The following ERMP1 variants were observed in gnomAD, a reference collection of about 807,000 sequenced individuals.
ERMP1 encodes Felix-ina.
A neutral mutation model predicts 92.0 loss-of-function variants in ERMP1; 86 were observed. The observed-to-expected ratio is 0.93, with a 90% CI of 0.79 to 1.12. The LOEUF is 1.12. Ranked by LOEUF, ERMP1 falls within the 50% of genes most tolerant of loss-of-function variation. The pLI is 0.00. For synonymous variants in ERMP1, 530 were observed against 412.8 expected (o/e 1.28, Z -3.44); for missense variants, 1,342 against 1,116.3 (o/e 1.20, Z -2.88).
chr9:5,832,135 CTAAAGA>C (rs1829964845), intron 1 of ERMP1, among the ~76,000 whole-genome samples: 1 of 151,796 alleles, frequency 6.6e-6, no homozygotes, highest in Non-Finnish European at 1.5e-5. Flanking sequence ...TCCAAGGGGC[CTAAAGA>C]TAAACTGCAG....
At chr9:5,841,921 A>G (rs1342001057) in intron 6 of ERMP1, among the ~76,000 whole-genome samples, 1 of 152,136 alleles carries the variant, frequency 6.6e-6, no homozygotes, top group African/African-American at 2.4e-5. Flanking sequence ...GAAACCACAT[A>G]TCTTCGCAGT....
At chr9:5,853,059 G>C (rs1405268700) in intron 6 of ERMP1, among the ~76,000 whole-genome samples, 1 of 152,158 alleles carries the variant, frequency 6.6e-6, no homozygotes, top group African/African-American at 2.4e-5. Flanking sequence ...TGGGCTTCTG[G>C]GGGTGAAAAA....
At chr9:5,836,258 A>C (rs769742490), upstream of ERMP1, among the ~76,000 whole-genome samples, 2 of 152,204 alleles carry the variant, frequency 1.3e-5, no homozygotes, top group Non-Finnish European at 2.9e-5. Flanking sequence ...TTGCCGTAGA[A>C]GAAAACCATA....
At chr9:5,797,684 T>C (rs1273724978) in intron 13 of ERMP1, 133 bp downstream of exon 13, 18 of 646,606 alleles carry the variant, frequency 2.8e-5, no homozygotes, top group Middle Eastern at 3.8e-4. Context: ...CCAGCTTCAA[T>C]TGATTTTAGA....
intron 7 of ERMP1, among the ~76,000 whole-genome samples, chr9:5,810,785 T>G (rs940766652): frequency 3.9e-5 from 6 of 152,182 alleles, no homozygotes; most frequent in Non-Finnish European, 8.8e-5. Context: ...TCATACTTCG[T>G]GACACTGGTC....
rs1563783675 is a variant in ERMP1, at chr9:5,854,894, T to A, written n.3199+4574A>T. Among the ~76,000 whole-genome samples the A allele has an allele frequency of 2.0e-5, 3 of 152,222 alleles. No homozygotes were observed. The South Asian group carries it at 6.2e-4, about 32-fold the overall frequency. On this transcript the variant is annotated intron_variant and non_coding_transcript_variant, in intron 6 of 6. Transcript: ENST00000690753. ...TTATGTAGGTTAATATTTCCCATGT[T>A]TTTTGAGGATTCCCAAAAGACTTTG...
chr9:5,835,553 T>A (rs1205627888), upstream of ERMP1, among the ~76,000 whole-genome samples: 1 of 152,034 alleles, frequency 6.6e-6, no homozygotes, highest in African/African-American at 2.4e-5. Context: ...GGGGAGAGAA[T>A]GTTCCAGCAG....
At chr9:5,830,122 G>A (rs991054711) in intron 2 of ERMP1, among the ~76,000 whole-genome samples, 9 of 152,208 alleles carry the variant, frequency 5.9e-5, no homozygotes, top group Non-Finnish European at 1.2e-4. Context: ...AGAGATATCC[G>A]CCAACCCGCA....
chr9:5,857,297 C>T (rs984168945), intron 6 of ERMP1, among the ~76,000 whole-genome samples: 1 of 152,162 alleles, frequency 6.6e-6, no homozygotes, highest in South Asian at 2.1e-4. Context: ...GCTGGGATTA[C>T]AGGCATGAGC....
At chr9:5,854,742 G>T (rs1830352784) in intron 6 of ERMP1, among the ~76,000 whole-genome samples, 1 of 152,116 alleles carries the variant, frequency 6.6e-6, no homozygotes, top group South Asian at 2.1e-4. Flanking sequence ...GCCCAGGCTG[G>T]TCTAGAACTC....
intron 5 of ERMP1, among the ~76,000 whole-genome samples, chr9:5,866,640 C>G (rs112556067): frequency 2.0e-5 from 3 of 152,258 alleles, no homozygotes; most frequent in South Asian, 2.1e-4. Flanking sequence ...CTAAGGAAAC[C>G]TGTAATCAAA....
intron 5 of ERMP1, among the ~76,000 whole-genome samples, chr9:5,865,304 A>G (rs993009960): frequency 6.7e-6 from 1 of 149,950 alleles, no homozygotes; most frequent in African/African-American, 2.5e-5. Flanking sequence ...CAGGAGATAG[A>G]GACCATCCTG....
intron 4 of ERMP1, among the ~76,000 whole-genome samples, chr9:5,821,272 G>A (rs948624038): frequency 4.6e-5 from 7 of 152,164 alleles, no homozygotes; most frequent in African/African-American, 1.4e-4. Flanking sequence ...AATTCATGAA[G>A]CAACAGAGAA....
At chr9:5,840,605 T>A (rs574661934) in intron 6 of ERMP1, among the ~76,000 whole-genome samples, 38 of 152,372 alleles carry the variant, frequency 2.5e-4, no homozygotes, top group African/African-American at 9.1e-4. Context: ...CAAGAGGCAG[T>A]ACGATGCCGC....
At chr9:5,813,517 G>A (rs920012543) in intron 4 of ERMP1, among the ~76,000 whole-genome samples, 16 of 151,902 alleles carry the variant, frequency 1.1e-4, no homozygotes, top group South Asian at 2.1e-4. Context: ...TTACTTTTTC[G>A]GATTTTGGAA....
chr9:5,829,992 G>C (rs1036248499), intron 2 of ERMP1, among the ~76,000 whole-genome samples: 1 of 152,170 alleles, frequency 6.6e-6, no homozygotes, highest in African/African-American at 2.4e-5. Context: ...CTAAATGCAA[G>C]TATTCTATTT....
chr9:5,843,536 T>TG (rs999000785), intron 6 of ERMP1, among the ~76,000 whole-genome samples: 6 of 152,132 alleles, frequency 3.9e-5, no homozygotes. Context: ...TCTCCAGATT[T>TG]GGGGGAAAGT....
chr9:5,825,003 A>G lies in ERMP1; in HGVS notation c.768+89T>C, dbSNP rs1448457028. ...ATACTACCCACAGGAGTCATAAAAA[A>G]TGCATTTACTATTTAGTAAATAATA... On this transcript the variant is annotated intron_variant, in intron 3 of 14. Transcript: ENST00000339450. 3.0e-6 allele frequency: 4 copies of G among 1,324,920 alleles called. No homozygotes were observed. In the African/African-American group the frequency reaches 4.5e-5, roughly 15 times the overall value. The allele number at this position is 1,324,920 out of a possible 1,614,324, so 82.1% of individuals were successfully genotyped here.
Position 5,787,454 on chromosome 9 carries a change from T to C in ERMP1, c.2526A>G (p.Ala842=). The C allele has an allele frequency of 6.2e-7, 1 of 1,613,886 alleles. No individual in the cohort carries two copies. Among genetic ancestry groups the C allele is most frequent in the African/African-American group, 1.3e-5 (1 of 75,020 alleles). Residue 842 remains alanine (A), a synonymous_variant, in exon 14 of 15, where the codon GCA becomes GCG. Transcript: ENST00000339450. ...CCTGCACTTCTATCCAGAACTGCCA[T>C]GCAGAGGCCTGGAGTCCATGGGAGT... The part of the protein sequence containing the change: ...VFYSHGLQAS[A]WQFWIEVQVS...
Sources: allele counts gnomAD v4.1 joint callset (sites outside exome capture counted in the v4.1 genomes callset), GRCh38; gene constraint gnomAD v4.1.1; transcripts MANE v1.5; gene names NCBI Gene and HGNC (gene_info 2026-07-23, HGNC 2026-07-21).